The following KPNA4 variants were observed in gnomAD, a reference collection of about 807,000 sequenced individuals.
KPNA4 encodes the protein karyopherin subunit alpha 4, also known as importin subunit alpha-3.
KPNA4 carries 13 observed loss-of-function variants against 71.3 expected under a neutral mutation model. The ratio of observed to expected loss-of-function variants is 0.18; its 90% CI spans 0.12 to 0.29. KPNA4 has a LOEUF of 0.29. KPNA4 is among the 10% of genes least tolerant of loss of function. The probability of loss-of-function intolerance (pLI) is 1.00; values close to 1 mark genes in which losing one functional copy is unlikely to be tolerated. For synonymous variants in KPNA4, 189 were observed against 195.2 expected (o/e 0.97, Z 0.26); for missense variants, 334 against 603.2 (o/e 0.55, Z 4.67).
chr3:160,502,209 GA>G lies in KPNA4; in HGVS notation c.1468-8del, dbSNP rs761626164. The G allele has an allele frequency of 7.8e-5, 111 of 1,419,142 alleles. No individual in the cohort carries two copies. Among genetic ancestry groups the G allele is most frequent in the South Asian group, 2.7e-4 (20 of 73,074 alleles). The allele number at this position is 1,419,142 out of a possible 1,614,324, so 87.9% of individuals were successfully genotyped here. On this transcript the variant is annotated splice_region_variant and splice_polypyrimidine_tract_variant and intron_variant, in intron 16 of 16. Coordinates refer to ENST00000334256, the MANE Select transcript of KPNA4 (RefSeq NM_002268.5). ...GGCTAGGGTCTTCATCAATCTAGGT[GA>G]AAAAAAAGAAAAAGAATGTGATAAT...
chr3:160,536,933 ATCTTT>A (rs1250623011), intron 1 of KPNA4, 93 bp from the exon 2 acceptor site: 7 of 631,676 alleles, frequency 1.1e-5, no homozygotes, highest in Non-Finnish European at 1.9e-5. Context: ...TACACCTCTA[ATCTTT>A]TCTTTTAGCC....
intron 13 of KPNA4, among the ~76,000 whole-genome samples, chr3:160,511,727 T>TAC (rs1212455300): frequency 5.3e-5 from 8 of 149,636 alleles, no homozygotes; most frequent in Admixed American, 2.0e-4. Context: ...TATATATATA[T>TAC]ATAAATATAT....
At chr3:160,506,607 A>C (rs1052256910) in intron 15 of KPNA4, among the ~76,000 whole-genome samples, 27 of 152,294 alleles carry the variant, frequency 1.8e-4, no homozygotes, top group Non-Finnish European at 2.9e-5. Flanking sequence ...GGCACAATCC[A>C]CTGGGGATTC....
At chr3:160,521,530 G>A (rs1339425487) in intron 11 of KPNA4, among the ~76,000 whole-genome samples, 2 of 152,194 alleles carry the variant, frequency 1.3e-5, no homozygotes, top group African/African-American at 4.8e-5. Flanking sequence ...TTGAACCTAG[G>A]AAGTGGAGGT....
At chr3:160,529,963 G>A (rs956753331) in intron 7 of KPNA4, among the ~76,000 whole-genome samples, 20 of 149,964 alleles carry the variant, frequency 1.3e-4, no homozygotes, top group Non-Finnish European at 2.7e-4. Context: ...GTGAAACCCC[G>A]TCTCTACTAA....
At chr3:160,532,186 T>C (rs1229068715) in intron 5 of KPNA4, among the ~76,000 whole-genome samples, 1 of 152,270 alleles carries the variant, frequency 6.6e-6, no homozygotes. Context: ...AAAATACATG[T>C]TACTTTTGGA....
rs755012477 is a variant in KPNA4 at position 160,502,076 on chromosome 3, C to T, written c.*28G>A. ...TATATATATATATATCTCAGTGCTG[C>T]ATTGTACCTAACTTCCACAACATCT... is the stretch of plus-strand genomic sequence containing the variant. On this transcript the variant is annotated 3_prime_UTR_variant, in exon 17 of 17. Transcript: ENST00000334256. 4 of 1,008,328 alleles carry T rather than the reference C, an allele frequency of 4.0e-6. No homozygotes were observed. Among genetic ancestry groups the T allele is most frequent in the East Asian group, 2.5e-5 (1 of 40,538 alleles). The allele number at this position is 1,008,328 out of a possible 1,614,324, so 62.5% of individuals were successfully genotyped here.
At chr3:160,537,596 T>C (rs1015763314) in intron 1 of KPNA4, among the ~76,000 whole-genome samples, 6 of 150,164 alleles carry the variant, frequency 4.0e-5, no homozygotes, top group African/African-American at 1.5e-4. Context: ...TTCTTTCTAA[T>C]GACTGTGTAT....
At chr3:160,512,045 C>T (rs1429072410) in intron 13 of KPNA4, among the ~76,000 whole-genome samples, 1 of 152,126 alleles carries the variant, frequency 6.6e-6, no homozygotes, top group African/African-American at 2.4e-5. Flanking sequence ...CTGAACTCAT[C>T]ATCTTTCACT....
intron 1 of KPNA4, 149 bp downstream of exon 1, chr3:160,565,065 A>G (rs2108564540): frequency 3.2e-6 from 2 of 630,000 alleles, no homozygotes; most frequent in South Asian, 1.9e-5. Flanking sequence ...CCGGCGCGCT[A>G]GCAGAGGCGT....
At chr3:160,559,120 A>C (rs1186295118) in intron 1 of KPNA4, among the ~76,000 whole-genome samples, 1 of 152,180 alleles carries the variant, frequency 6.6e-6, no homozygotes, top group East Asian at 1.9e-4. Context: ...TGAAAAAACG[A>C]CTGACAGACA....
At chr3:160,529,226 G>A (rs1721521374) in intron 7 of KPNA4, among the ~76,000 whole-genome samples, 1 of 152,124 alleles carries the variant, frequency 6.6e-6, no homozygotes, top group African/African-American at 2.4e-5. Context: ...GAGCCACCAT[G>A]CCCAACCTCA....
intron 11 of KPNA4, among the ~76,000 whole-genome samples, chr3:160,520,750 CCA>C (rs1350279794): frequency 6.6e-6 from 1 of 152,118 alleles, no homozygotes; most frequent in Non-Finnish European, 1.5e-5. Flanking sequence ...AAAAACAGCT[CCA>C]CACAGTTTAT....
At chr3:160,548,627 T>C (rs899258573) in intron 1 of KPNA4, among the ~76,000 whole-genome samples, 1 of 152,188 alleles carries the variant, frequency 6.6e-6, no homozygotes, top group Non-Finnish European at 1.5e-5. Context: ...TATGTCAGAA[T>C]TTCCTTCCTT....
chr3:160,510,004 C>A lies in KPNA4; in HGVS notation c.1138-133G>T, dbSNP rs936611581. The A allele has an allele frequency of 1.5e-5, 10 of 648,078 alleles. No homozygotes were observed. In the African/African-American group the frequency reaches 1.8e-4, roughly 12 times the overall value. The allele number at this position is 648,078 out of a possible 1,614,324, so 40.1% of individuals were successfully genotyped here. On this transcript the variant is annotated intron_variant, in intron 13 of 16. Transcript: ENST00000334256. ...AGTCTTTCTGTATATATCATTTTTT[C>A]TTATTAAGACAGGTCTTTGAACTAT...
chr3:160,548,771 T>C (rs1464988886), intron 1 of KPNA4, among the ~76,000 whole-genome samples: 1 of 152,214 alleles, frequency 6.6e-6, no homozygotes, highest in East Asian at 1.9e-4. Context: ...ACAAGTATCT[T>C]AGTTCCCGCT....
At chr3:160,565,181 C>G in intron 1 of KPNA4, 33 bp downstream of exon 1, 1 of 1,565,812 alleles carries the variant, frequency 6.4e-7, no homozygotes, top group Non-Finnish European at 8.7e-7. Flanking sequence ...AGGCCCACAG[C>G]CCCCACCCCT....
intron 1 of KPNA4, among the ~76,000 whole-genome samples, chr3:160,556,381 G>A (rs1722137820): frequency 6.6e-6 from 1 of 152,126 alleles, no homozygotes; most frequent in Non-Finnish European, 1.5e-5. Context: ...ACCAACACCT[G>A]TTATTTTCTT....
chr3:160,548,202 C>G (rs1163100841), intron 1 of KPNA4, among the ~76,000 whole-genome samples: 1 of 151,990 alleles, frequency 6.6e-6, no homozygotes, highest in African/African-American at 2.4e-5. Context: ...TGTTAGTGCT[C>G]TGGGTTTTTT....
Sources: gnomAD v4.1 joint callset for allele counts (sites outside exome capture counted in the v4.1 genomes callset) on GRCh38, gnomAD v4.1.1 for gene constraint, MANE v1.5 for transcripts, NCBI Gene and HGNC (gene_info 2026-07-23, HGNC 2026-07-21) for gene names.